ST6GALNAC3: variants seen among roughly 807,000 people sequenced by gnomAD.
ST6GALNAC3 encodes the protein alpha-N-acetylgalactosaminide alpha-2,6-sialyltransferase 3.
In ST6GALNAC3, 25 loss-of-function variants were observed where a neutral mutation model predicts 32.7. The ratio of observed to expected loss-of-function variants is 0.76; its 90% CI spans 0.56 to 1.07. The LOEUF (loss-of-function observed/expected upper bound fraction) is 1.07, where lower values mean the gene tolerates loss of function less well. Among genes scored for constraint, ST6GALNAC3 ranks in the 50% least tolerant of loss-of-function variants. ST6GALNAC3 has a pLI of 0.00. For missense variants in ST6GALNAC3, 355 were observed against 382.4 expected, an observed-to-expected ratio of 0.93 and a Z score of 0.60; for synonymous variants, 129 against 133.1, an observed-to-expected ratio of 0.97 and a Z score of 0.21.
chr1:76,205,391 C>T (rs191407979), intron 1 of ST6GALNAC3, among the ~76,000 whole-genome samples: 2 of 152,166 alleles, frequency 1.3e-5, no homozygotes, highest in East Asian at 3.9e-4. Context: ...CCATCTACCT[C>T]CCTGCTTGCT....
intron 1 of ST6GALNAC3, among the ~76,000 whole-genome samples, chr1:76,228,859 C>T (rs1376510767): frequency 6.6e-6 from 1 of 152,102 alleles, no homozygotes; most frequent in African/African-American, 2.4e-5. Flanking sequence ...ACGGTTTCTG[C>T]CCGGAGAAGG....
At chr1:76,364,567 A>G (rs557497112) in intron 2 of ST6GALNAC3, among the ~76,000 whole-genome samples, 1 of 152,186 alleles carries the variant, frequency 6.6e-6, no homozygotes, top group Non-Finnish European at 1.5e-5. Context: ...AAATAAAATA[A>G]ATAAAATAAA....
intron 1 of ST6GALNAC3, among the ~76,000 whole-genome samples, chr1:76,266,570 T>A (rs1454524069): frequency 6.6e-6 from 1 of 152,190 alleles, no homozygotes; most frequent in Non-Finnish European, 1.5e-5. Flanking sequence ...CTCTAAAGCC[T>A]AGAGGATGGA....
intron 3 of ST6GALNAC3, among the ~76,000 whole-genome samples, chr1:76,573,886 A>G (rs1646754970): frequency 6.6e-6 from 1 of 152,038 alleles, no homozygotes; most frequent in African/African-American, 2.4e-5. Flanking sequence ...TGGGGTTGGC[A>G]GGGACAGTAG....
chr1:76,292,325 A>G (rs534466672), intron 1 of ST6GALNAC3, among the ~76,000 whole-genome samples: 1 of 152,270 alleles, frequency 6.6e-6, no homozygotes, highest in South Asian at 2.1e-4. Context: ...GAAATGATAC[A>G]CTGATACACC....
chr1:76,472,412 G>C (rs531459155), intron 3 of ST6GALNAC3, among the ~76,000 whole-genome samples: 1 of 152,162 alleles, frequency 6.6e-6, no homozygotes, highest in African/African-American at 2.4e-5. Context: ...CTGACAACTA[G>C]AATGGCCTTG....
At chr1:76,411,705 T>G (rs917729208) in intron 2 of ST6GALNAC3, among the ~76,000 whole-genome samples, 13 of 152,142 alleles carry the variant, frequency 8.5e-5, no homozygotes, top group African/African-American at 2.9e-4. Context: ...CAGTTCTGAA[T>G]AAAAATATTT....
Position 76,633,868 on chromosome 1 carries a change from A to T in ST6GALNAC3, c.*5062A>T. 6.6e-6 allele frequency: 1 copy of T among 152,152 alleles called. No homozygotes were observed. Among genetic ancestry groups the T allele is most frequent in the East Asian group, 1.9e-4 (1 of 5,204 alleles). The allele number at this position is 152,152 out of a possible 1,614,324, so 9.4% of individuals were successfully genotyped here. ...AGTGAAGAATTTTGAAACTACATAC[A>T]CTGGCCTCTGAAAATGGTTCTTGTG... is the stretch of plus-strand genomic sequence containing the variant. On this transcript the variant is annotated 3_prime_UTR_variant, in exon 5 of 5. Coordinates refer to ENST00000328299, the MANE Select transcript of ST6GALNAC3 (RefSeq NM_152996.4).
intron 3 of ST6GALNAC3, among the ~76,000 whole-genome samples, chr1:76,532,274 T>G (rs1663308653): frequency 6.6e-6 from 1 of 152,176 alleles, no homozygotes. Flanking sequence ...GACATCTGCT[T>G]TTTATTGAAA....
chr1:76,329,743 C>T (rs1647151059), intron 2 of ST6GALNAC3, among the ~76,000 whole-genome samples: 1 of 152,170 alleles, frequency 6.6e-6, no homozygotes, highest in African/African-American at 2.4e-5. Context: ...TTTCATGTAA[C>T]AAATAATCTT....
intron 2 of ST6GALNAC3, among the ~76,000 whole-genome samples, chr1:76,396,191 A>C (rs953742780): frequency 6.6e-6 from 1 of 152,212 alleles, no homozygotes; most frequent in Non-Finnish European, 1.5e-5. Context: ...TGGGCCAGGC[A>C]TGGTGACTCA....
intron 2 of ST6GALNAC3, among the ~76,000 whole-genome samples, chr1:76,330,428 T>G (rs554153058): frequency 6.6e-6 from 1 of 152,332 alleles, no homozygotes; most frequent in Admixed American, 6.5e-5. Flanking sequence ...AGTGCTGGGA[T>G]TACAGGCGTG....
intron 1 of ST6GALNAC3, among the ~76,000 whole-genome samples, chr1:76,217,225 TTG>T (rs1209652283): frequency 6.6e-6 from 1 of 152,212 alleles, no homozygotes; most frequent in Non-Finnish European, 1.5e-5. Flanking sequence ...TTTTGTGTTT[TTG>T]TGTGTTTTTC....
At chr1:76,452,088 C>G (rs926888680) in intron 3 of ST6GALNAC3, among the ~76,000 whole-genome samples, 3 of 152,026 alleles carry the variant, frequency 2.0e-5, no homozygotes, top group African/African-American at 7.2e-5. Context: ...GGCTGTGTCC[C>G]CACTCAGATC....
At chr1:76,605,910 C>T (rs906641962) in intron 3 of ST6GALNAC3, among the ~76,000 whole-genome samples, 1 of 92,624 alleles carries the variant, frequency 1.1e-5, no homozygotes, top group Non-Finnish European at 2.2e-5. Context: ...AGGACATGAA[C>T]AGACATTTCT....
chr1:76,584,168 G>C (rs150988759), intron 3 of ST6GALNAC3, among the ~76,000 whole-genome samples: 2 of 152,274 alleles, frequency 1.3e-5, no homozygotes, highest in African/African-American at 4.8e-5. Flanking sequence ...ACTTGCCCAA[G>C]GTCTTATAGT....
At chr1:76,291,704 G>T (rs540721865) in intron 1 of ST6GALNAC3, among the ~76,000 whole-genome samples, 6 of 152,104 alleles carry the variant, frequency 3.9e-5, no homozygotes, top group Non-Finnish European at 8.8e-5. Context: ...AATGCTTATT[G>T]TTCCTATGTT....
At chr1:76,465,798 T>C (rs1658585201) in intron 3 of ST6GALNAC3, among the ~76,000 whole-genome samples, 1 of 152,050 alleles carries the variant, frequency 6.6e-6, no homozygotes, top group Non-Finnish European at 1.5e-5. Context: ...TTTTATTTTC[T>C]CCACAATGTT....
At chr1:76,446,572 A>C (rs535362153) in intron 3 of ST6GALNAC3, among the ~76,000 whole-genome samples, 1 of 152,276 alleles carries the variant, frequency 6.6e-6, no homozygotes, top group South Asian at 2.1e-4. Flanking sequence ...TCATACAGTT[A>C]GTTGGAGTCT....
Sources: gnomAD v4.1 joint callset for allele counts (sites outside exome capture counted in the v4.1 genomes callset) on GRCh38, gnomAD v4.1.1 for gene constraint, MANE v1.5 for transcripts, NCBI Gene and HGNC (gene_info 2026-07-23, HGNC 2026-07-21) for gene names.